Variants in HEMK2 observed in about 807,000 individuals in gnomAD.
HEMK2 encodes the protein HemK methyltransferase 2, ETF1 glutamine and histone H4 lysine, also known as methyltransferase HEMK2.
chr21:28,884,683 G>A, the HEMK2 span, among the ~76,000 whole-genome samples: 1 of 152,156 alleles, frequency 6.6e-6, no homozygotes, highest in African/African-American at 2.4e-5. Context: ...CAAGCGCTCT[G>A]TAGCCACATG....
At chr21:28,631,566 C>G in the HEMK2 span, among the ~76,000 whole-genome samples, 1 of 151,796 alleles carries the variant, frequency 6.6e-6, no homozygotes, top group East Asian at 1.9e-4. Flanking sequence ...TTTCATAAAG[C>G]AAGAAATCAG....
At chr21:28,624,849 C>T in the HEMK2 span, among the ~76,000 whole-genome samples, 1 of 152,186 alleles carries the variant, frequency 6.6e-6, no homozygotes, top group African/African-American at 2.4e-5. Flanking sequence ...TGAGCAACTA[C>T]ACCAAGCACC....
chr21:28,586,288 TA>T, the HEMK2 span, among the ~76,000 whole-genome samples: 1 of 152,348 alleles, frequency 6.6e-6, no homozygotes, highest in South Asian at 2.1e-4. Flanking sequence ...TATACCACCA[TA>T]AAAAGATTGA....
chr21:28,740,670 T>C, the HEMK2 span, among the ~76,000 whole-genome samples: 1 of 152,192 alleles, frequency 6.6e-6, no homozygotes, highest in Admixed American at 6.5e-5. Flanking sequence ...AAAAGCAACC[T>C]GCTATCTTTA....
chr21:28,692,107 A>G, the HEMK2 span, among the ~76,000 whole-genome samples: 1 of 152,216 alleles, frequency 6.6e-6, no homozygotes, highest in Non-Finnish European at 1.5e-5. Context: ...ATAGTCATTA[A>G]TTAAAACCCA....
the HEMK2 span, among the ~76,000 whole-genome samples, chr21:28,803,324 G>C: frequency 6.6e-6 from 1 of 152,052 alleles, no homozygotes; most frequent in Non-Finnish European, 1.5e-5. Context: ...AACCATCTTC[G>C]ATCACAAATT....
At chr21:28,711,928 G>A in the HEMK2 span, among the ~76,000 whole-genome samples, 1 of 152,124 alleles carries the variant, frequency 6.6e-6, no homozygotes, top group Non-Finnish European at 1.5e-5. Context: ...AGAAAAGAGG[G>A]TGAGGCAACT....
the HEMK2 span, among the ~76,000 whole-genome samples, chr21:28,805,398 G>A: frequency 6.6e-6 from 1 of 152,154 alleles, no homozygotes; most frequent in Non-Finnish European, 1.5e-5. Context: ...ATTGCAACTT[G>A]AGCAGGAAGA....
At chr21:28,598,819 C>T in the HEMK2 span, among the ~76,000 whole-genome samples, 2 of 152,154 alleles carry the variant, frequency 1.3e-5, no homozygotes, top group African/African-American at 4.8e-5. Flanking sequence ...AAAAGAGTTG[C>T]AGACACTGAA....
chr21:28,796,505 A>G, the HEMK2 span, among the ~76,000 whole-genome samples: 1 of 152,198 alleles, frequency 6.6e-6, no homozygotes, highest in Non-Finnish European at 1.5e-5. Flanking sequence ...TTCAGACTTT[A>G]GCTTCAGTCA....
chr21:28,757,305 G>A, the HEMK2 span, among the ~76,000 whole-genome samples: 1 of 152,084 alleles, frequency 6.6e-6, no homozygotes, highest in Admixed American at 6.6e-5. Flanking sequence ...GTATTTATAA[G>A]AATATTTCAT....
At chr21:28,695,135 T>C in the HEMK2 span, among the ~76,000 whole-genome samples, 34 of 152,350 alleles carry the variant, frequency 2.2e-4, no homozygotes, top group Middle Eastern at 3.4e-3. Flanking sequence ...CTGATGCAGT[T>C]AGTGCTTAAT....
chr21:28,667,519 G>A, the HEMK2 span, among the ~76,000 whole-genome samples: 1 of 152,114 alleles, frequency 6.6e-6, no homozygotes, highest in Non-Finnish European at 1.5e-5. Context: ...TTCTGCTCTA[G>A]GTGGAAATCA....
the HEMK2 span, among the ~76,000 whole-genome samples, chr21:28,595,592 G>A: frequency 6.6e-6 from 1 of 152,158 alleles, no homozygotes; most frequent in South Asian, 2.1e-4. Flanking sequence ...ATGAACACAG[G>A]TTGCTTCCAA....
At chr21:28,773,742 C>T in the HEMK2 span, among the ~76,000 whole-genome samples, 1 of 152,140 alleles carries the variant, frequency 6.6e-6, no homozygotes, top group Non-Finnish European at 1.5e-5. Flanking sequence ...CTGCAATGCT[C>T]TACTGGTATT....
the HEMK2 span, among the ~76,000 whole-genome samples, chr21:28,598,876 AT>A: frequency 6.6e-6 from 1 of 152,252 alleles, no homozygotes; most frequent in Non-Finnish European, 1.5e-5. Flanking sequence ...CTGAGTAAGC[AT>A]TAACATGAAG....
chr21:28,720,446 C>T, the HEMK2 span, among the ~76,000 whole-genome samples: 14 of 152,180 alleles, frequency 9.2e-5, no homozygotes, highest in East Asian at 2.1e-3. Context: ...AATATAAGGG[C>T]CTGGGGCCAG....
the HEMK2 span, among the ~76,000 whole-genome samples, chr21:28,748,121 G>A: frequency 6.6e-6 from 1 of 152,216 alleles, no homozygotes; most frequent in South Asian, 2.1e-4. Flanking sequence ...AGTGAGGAGA[G>A]AGGGACAGGA....
chr21:28,784,769 C>A, the HEMK2 span, among the ~76,000 whole-genome samples: 1 of 152,298 alleles, frequency 6.6e-6, no homozygotes, highest in East Asian at 1.9e-4. Context: ...GTAAAATGGA[C>A]CAATCAGCAG....
Sources: gnomAD v4.1 joint callset for allele counts (sites outside exome capture counted in the v4.1 genomes callset) on GRCh38, gnomAD v4.1.1 for gene constraint, MANE v1.5 for transcripts, NCBI Gene and HGNC (gene_info 2026-07-23, HGNC 2026-07-21) for gene names.